STPG2: variants seen among roughly 807,000 people sequenced by gnomAD.
STPG2 encodes the protein sperm-tail PG-rich repeat-containing protein 2.
In STPG2, 56 loss-of-function variants were observed where a neutral mutation model predicts 54.2. The ratio of observed to expected loss-of-function variants is 1.03; its 90% CI spans 0.83 to 1.29. The LOEUF is 1.29. Among genes scored for constraint, STPG2 ranks in the 50% most tolerant of loss-of-function variants. The pLI, the probability that STPG2 is intolerant of heterozygous loss-of-function variation, is 0.00. For missense variants in STPG2, 596 were observed against 544.9 expected, an observed-to-expected ratio of 1.09 and a Z score of -0.93; for synonymous variants, 200 against 181.8, an observed-to-expected ratio of 1.10 and a Z score of -0.81.
At chr4:97,951,918 G>C (rs949225384) in intron 7 of STPG2, among the ~76,000 whole-genome samples, 1 of 152,112 alleles carries the variant, frequency 6.6e-6, no homozygotes, top group African/African-American at 2.4e-5. Context: ...GAGCTGGCTG[G>C]AGGTTGGGAG....
At chr4:97,705,899 A>G (rs1270316991) in intron 10 of STPG2, among the ~76,000 whole-genome samples, 3 of 152,096 alleles carry the variant, frequency 2.0e-5, no homozygotes, top group East Asian at 1.9e-4. Context: ...TAACAATAAC[A>G]TATATAACAT....
At chr4:97,771,039 G>C (rs1726201414) in intron 9 of STPG2, among the ~76,000 whole-genome samples, 1 of 152,194 alleles carries the variant, frequency 6.6e-6, no homozygotes, top group African/African-American at 2.4e-5. Flanking sequence ...GCTAATAGTA[G>C]TAGTGCTCTA....
At chr4:97,712,586 A>T in intron 10 of STPG2, 113 bp downstream of exon 10, 1 of 612,344 alleles carries the variant, frequency 1.6e-6, no homozygotes, top group Non-Finnish European at 2.5e-6. Flanking sequence ...TATTTTCATT[A>T]ATCAGCAATG....
intron 5 of STPG2, among the ~76,000 whole-genome samples, chr4:98,050,013 A>C (rs1008864187): frequency 3.9e-5 from 6 of 152,186 alleles, no homozygotes; most frequent in Non-Finnish European, 8.8e-5. Context: ...TAATAAACTT[A>C]TTTTGATAAA....
chr4:97,832,960 T>C lies in STPG2; in HGVS notation c.1204+7813A>G, dbSNP rs530597317. Among the ~76,000 whole-genome samples, 5 of 152,262 alleles carry C rather than the reference T, an allele frequency of 3.3e-5. No individual in the cohort carries two copies. In the South Asian group the frequency reaches 8.3e-4, roughly 25 times the overall value. The stretch of plus-strand genomic sequence containing the variant: ...CCAAAGTAATTTATAGATTCCATGC[T>C]ATCCCCATTAAGCTACCATTGACTT... On this transcript the variant is annotated intron_variant, in intron 9 of 10. Transcript: ENST00000295268.
At chr4:97,583,314 T>C (rs1481601770) in intron 10 of STPG2, among the ~76,000 whole-genome samples, 2 of 151,998 alleles carry the variant, frequency 1.3e-5, no homozygotes, top group African/African-American at 4.8e-5. Flanking sequence ...GAATAGCTAC[T>C]GTACACTGTC....
chr4:98,045,090 T>A lies in STPG2; in HGVS notation c.612+60863A>T, dbSNP rs1429791282. Reference sequence around the variant, plus strand: ...CCTGCCCAGCACCTTCCTACAGAGATGACTTTAAAAGGAAAAAAAAAAAAG... The same window carrying A: ...CCTGCCCAGCACCTTCCTACAGAGAAGACTTTAAAAGGAAAAAAAAAAAAG... On this transcript the variant is annotated intron_variant, in intron 5 of 10. Transcript: ENST00000295268. Among the ~76,000 whole-genome samples the A allele has an allele frequency of 2.2e-5, 3 of 139,530 alleles. No individual in the cohort carries two copies. The South Asian group carries it at 7.1e-4, about 33-fold the overall frequency. The allele number at this position is 139,530 out of a possible 152,430, so 91.5% of individuals were successfully genotyped here.
chr4:97,967,445 T>C (rs1050415009), intron 7 of STPG2, among the ~76,000 whole-genome samples: 12 of 152,070 alleles, frequency 7.9e-5, no homozygotes, highest in African/African-American at 2.9e-4. Flanking sequence ...AGTAGACATA[T>C]CAATGAGACA....
At chr4:97,859,297 T>G (rs577889502) in intron 8 of STPG2, among the ~76,000 whole-genome samples, 1 of 152,290 alleles carries the variant, frequency 6.6e-6, no homozygotes, top group South Asian at 2.1e-4. Flanking sequence ...TTCTTGATAT[T>G]GGTCCTTTGT....
chr4:98,014,282 G>C (rs577570404), intron 5 of STPG2, among the ~76,000 whole-genome samples: 1 of 152,238 alleles, frequency 6.6e-6, no homozygotes, highest in Admixed American at 6.5e-5. Context: ...GTGTGGTTCT[G>C]AGTGAGTTTC....
chr4:97,482,228 T>C (rs1730239632), intron 4 of STPG2, among the ~76,000 whole-genome samples: 1 of 151,612 alleles, frequency 6.6e-6, no homozygotes, highest in South Asian at 2.1e-4. Flanking sequence ...TGAATATGAT[T>C]TAAACAGTTT....
intron 10 of STPG2, among the ~76,000 whole-genome samples, chr4:97,561,756 T>A (rs939313527): frequency 6.6e-6 from 1 of 152,228 alleles, no homozygotes; most frequent in Non-Finnish European, 1.5e-5. Flanking sequence ...GTTGTAGATA[T>A]GCAGCGTTAT....
At chr4:97,499,481 T>C (rs1419242175) in intron 4 of STPG2, among the ~76,000 whole-genome samples, 1 of 143,078 alleles carries the variant, frequency 7.0e-6, no homozygotes, top group Non-Finnish European at 1.6e-5. Context: ...TACACTAAAA[T>C]AGAGACAGAT....
At chr4:98,101,188 T>C (rs1739026784) in intron 5 of STPG2, among the ~76,000 whole-genome samples, 1 of 152,158 alleles carries the variant, frequency 6.6e-6, no homozygotes, top group Admixed American at 6.6e-5. Flanking sequence ...CATATTCTCA[T>C]TTCTGTTCAG....
At chr4:97,564,148 T>A (rs1347166451) in intron 10 of STPG2, among the ~76,000 whole-genome samples, 2 of 152,332 alleles carry the variant, frequency 1.3e-5, no homozygotes, top group Non-Finnish European at 2.9e-5. Flanking sequence ...TTAGGATAGT[T>A]AGCTCTTCTT....
Position 97,890,451 on chromosome 4 carries a change from C to T in STPG2, c.1045-49519G>A, listed in dbSNP as rs6852843. On this transcript the variant is annotated intron_variant, in intron 8 of 10. Coordinates refer to ENST00000295268, the MANE Select transcript of STPG2 (RefSeq NM_174952.3). The stretch of plus-strand genomic sequence containing the variant: ...TGGAGGACAGAACTTCTAAATGTTG[C>T]ATAAATTTTAAAAAATTATTTAATT... Among the ~76,000 whole-genome samples, 1,451 of 151,770 alleles carry T rather than the reference C, an allele frequency of 9.6e-3. 11 individuals carry two copies. The highest frequency in any genetic ancestry group is 0.016 in the Non-Finnish European group (1,066 of 67,848).
chr4:97,974,613 A>T (rs757872427), intron 6 of STPG2, among the ~76,000 whole-genome samples: 3 of 152,038 alleles, frequency 2.0e-5, no homozygotes, highest in Non-Finnish European at 4.4e-5. Flanking sequence ...TGTTGTTCTC[A>T]TGATAGTGAG....
chr4:98,099,263 A>T (rs1318193423), intron 5 of STPG2, among the ~76,000 whole-genome samples: 2 of 147,136 alleles, frequency 1.4e-5, no homozygotes, highest in African/African-American at 5.1e-5. Context: ...ATATATTCAC[A>T]ACAGAGAATT....
intron 10 of STPG2, among the ~76,000 whole-genome samples, chr4:97,637,092 A>G: frequency 6.6e-6 from 1 of 152,260 alleles, no homozygotes. Context: ...AAAAATCCTC[A>G]ATAAAATACT....
Sources: gnomAD v4.1 joint callset for allele counts (sites outside exome capture counted in the v4.1 genomes callset) on GRCh38, gnomAD v4.1.1 for gene constraint, MANE v1.5 for transcripts, NCBI Gene and HGNC (gene_info 2026-07-23, HGNC 2026-07-21) for gene names.